PTPRM: variants seen among roughly 807,000 people sequenced by gnomAD.
PTPRM encodes the protein receptor-type tyrosine-protein phosphatase mu.
Under a neutral mutation model 186.7 loss-of-function variants are expected in PTPRM, and 47 were observed. The observed-to-expected ratio is 0.25, with a 90% CI of 0.20 to 0.32. PTPRM has a LOEUF of 0.32. Ranked by LOEUF, PTPRM falls within the 10% of genes least tolerant of loss-of-function variation. The pLI, the probability that PTPRM is intolerant of heterozygous loss-of-function variation, is 1.00. For synonymous variants in PTPRM, 668 were observed against 674.9 expected, an observed-to-expected ratio of 0.99 and a Z score of 0.16; for missense variants, 1,494 against 1,865.0, an observed-to-expected ratio of 0.80 and a Z score of 3.66.
At chr18:8,117,072 C>G (rs2091984586) in intron 13 of PTPRM, among the ~76,000 whole-genome samples, 1 of 152,210 alleles carries the variant, frequency 6.6e-6, no homozygotes, top group Non-Finnish European at 1.5e-5. Flanking sequence ...TGGACGGATT[C>G]ATCAACCCTC....
chr18:7,588,958 TC>T (rs1247642026), intron 1 of PTPRM, among the ~76,000 whole-genome samples: 1 of 152,176 alleles, frequency 6.6e-6, no homozygotes, highest in Non-Finnish European at 1.5e-5. Flanking sequence ...CCAGTGATCC[TC>T]CTGCCTCAGC....
At chr18:8,281,168 G>A (rs951068172) in intron 19 of PTPRM, among the ~76,000 whole-genome samples, 31 of 152,288 alleles carry the variant, frequency 2.0e-4, no homozygotes, top group Middle Eastern at 3.4e-3. Context: ...GCCAGATGTC[G>A]TCATGCTCTT....
chr18:8,357,690 T>C (rs1248209818), intron 23 of PTPRM, among the ~76,000 whole-genome samples: 1 of 152,214 alleles, frequency 6.6e-6, no homozygotes, highest in Non-Finnish European at 1.5e-5. Context: ...ACTCAAAGTG[T>C]TTAATCAATA....
intron 2 of PTPRM, among the ~76,000 whole-genome samples, chr18:7,860,541 A>T (rs192562522): frequency 6.6e-6 from 1 of 152,208 alleles, no homozygotes; most frequent in South Asian, 2.1e-4. Context: ...TGGGAAACCC[A>T]CCTGCTGAAG....
chr18:7,845,848 C>T (rs549141726), intron 2 of PTPRM, among the ~76,000 whole-genome samples: 1 of 152,170 alleles, frequency 6.6e-6, no homozygotes, highest in East Asian at 1.9e-4. Flanking sequence ...CAGGATGACT[C>T]TTAAGGGTTG....
intron 3 of PTPRM, among the ~76,000 whole-genome samples, chr18:7,897,359 C>G (rs368797559): frequency 7.2e-5 from 11 of 152,166 alleles, no homozygotes; most frequent in African/African-American, 2.4e-4. Context: ...GGCTATGGCC[C>G]TTATTCCAAG....
At chr18:7,672,579 T>G (rs903957181) in intron 1 of PTPRM, among the ~76,000 whole-genome samples, 4 of 151,922 alleles carry the variant, frequency 2.6e-5, no homozygotes, top group Non-Finnish European at 4.4e-5. Flanking sequence ...CCAAATAGAG[T>G]GACATTTGGA....
chr18:7,918,078 T>TTGTGTGTGTGTG (rs35838540), intron 4 of PTPRM, among the ~76,000 whole-genome samples: 6,316 of 148,032 alleles, frequency 0.043, 229 homozygotes, highest in Admixed American at 0.12. Flanking sequence ...TCTTGTGTGT[T>TTGTGTGTGTGTG]TGTGTGTGTG....
chr18:7,773,703 C>T (rs546778970), intron 1 of PTPRM, among the ~76,000 whole-genome samples: 2 of 151,960 alleles, frequency 1.3e-5, no homozygotes, highest in East Asian at 3.9e-4. Context: ...CTCTCAGCCT[C>T]CTGAGTAGCT....
intron 7 of PTPRM, among the ~76,000 whole-genome samples, chr18:8,011,641 G>T (rs1246661881): frequency 6.6e-6 from 1 of 152,156 alleles, no homozygotes; most frequent in African/African-American, 2.4e-5. Flanking sequence ...TTCCAGCCTA[G>T]CTTTCCAATG....
intron 32 of PTPRM, among the ~76,000 whole-genome samples, chr18:8,396,438 C>T (rs908086970): frequency 6.6e-6 from 1 of 152,194 alleles, no homozygotes; most frequent in Non-Finnish European, 1.5e-5. Context: ...CCCTTCCAGG[C>T]CTTTCCTCTA....
chr18:8,349,689 C>T (rs2095523956), intron 23 of PTPRM, among the ~76,000 whole-genome samples: 1 of 152,234 alleles, frequency 6.6e-6, no homozygotes, highest in Non-Finnish European at 1.5e-5. Flanking sequence ...CATTCATCTT[C>T]AGACTCCTGG....
At chr18:8,252,581 G>T in intron 18 of PTPRM, 82 bp downstream of exon 18, 2 of 1,328,992 alleles carry the variant, frequency 1.5e-6, no homozygotes, top group Non-Finnish European at 2.2e-6. Context: ...GACAAAGCCA[G>T]CTGGTGCTGC....
intron 21 of PTPRM, among the ~76,000 whole-genome samples, chr18:8,318,699 T>C (rs2148060661): frequency 6.6e-6 from 1 of 152,358 alleles, no homozygotes; most frequent in East Asian, 1.9e-4. Context: ...TCCTGGCCCT[T>C]GCTACAGTAG....
intron 2 of PTPRM, among the ~76,000 whole-genome samples, chr18:7,797,817 A>C (rs1176669511): frequency 6.6e-6 from 1 of 152,200 alleles, no homozygotes; most frequent in African/African-American, 2.4e-5. Context: ...CTTTAGCCAC[A>C]GTCTTGAGAG....
At chr18:8,247,474 G>A (rs2094488195) in intron 15 of PTPRM, among the ~76,000 whole-genome samples, 2 of 152,198 alleles carry the variant, frequency 1.3e-5, no homozygotes, top group Non-Finnish European at 2.9e-5. Flanking sequence ...CAAAAGCCAT[G>A]TGTAGACACC....
At chr18:7,840,070 G>C (rs2046246214) in intron 2 of PTPRM, among the ~76,000 whole-genome samples, 1 of 144,792 alleles carries the variant, frequency 6.9e-6, no homozygotes, top group Non-Finnish European at 1.5e-5. Flanking sequence ...GGGGTGGGGT[G>C]GGGGGTGGGG....
intron 1 of PTPRM, among the ~76,000 whole-genome samples, chr18:7,647,138 T>C (rs1321932525): frequency 1.3e-5 from 2 of 152,094 alleles, no homozygotes; most frequent in East Asian, 3.9e-4. Context: ...TATTTAGCTA[T>C]TGAATGAGCA....
At chr18:7,925,163 T>G (rs1022811714) in intron 4 of PTPRM, among the ~76,000 whole-genome samples, 7 of 152,208 alleles carry the variant, frequency 4.6e-5, no homozygotes, top group Non-Finnish European at 1.0e-4. Context: ...TAGGGACTTT[T>G]TACAGAGATC....
Sources: allele counts gnomAD v4.1 joint callset (sites outside exome capture counted in the v4.1 genomes callset), GRCh38; gene constraint gnomAD v4.1.1; transcripts MANE v1.5; gene names NCBI Gene and HGNC (gene_info 2026-07-23, HGNC 2026-07-21).